Variants in LYG2 observed in about 807,000 individuals in gnomAD.
LYG2 encodes the protein lysozyme g2.
In LYG2, 25 loss-of-function variants were observed where a neutral mutation model predicts 22.4. The ratio of observed to expected loss-of-function variants is 1.12; its 90% CI spans 0.81 to 1.56. The LOEUF (loss-of-function observed/expected upper bound fraction) is 1.56, where lower values mean the gene tolerates loss of function less well. Among genes scored for constraint, LYG2 ranks in the 40% most tolerant of loss-of-function variants. LYG2 has a pLI of 0.00. For missense variants in LYG2, 266 were observed against 269.5 expected, an observed-to-expected ratio of 0.99 and a Z score of 0.09; for synonymous variants, 88 against 97.0, an observed-to-expected ratio of 0.91 and a Z score of 0.55.
intron 3 of LYG2, among the ~76,000 whole-genome samples, chr2:99,247,614 C>T (rs551892019): frequency 2.7e-4 from 41 of 152,242 alleles, no homozygotes; most frequent in Non-Finnish European, 4.6e-4. Flanking sequence ...CTTCCTTTTA[C>T]AGTCCCCAGT....
At chr2:99,254,411 G>GTAC (rs2094032348) in intron 2 of LYG2, 126 bp from the exon 3 acceptor site, 2 of 461,182 alleles carry the variant, frequency 4.3e-6, no homozygotes, top group Admixed American at 4.7e-5. Context: ...CCTGTTTCAA[G>GTAC]ATAGTATTCT....
intron 6 of LYG2, chr2:99,243,390 C>G (rs1384069654): frequency 6.5e-7 from 1 of 1,544,832 alleles, no homozygotes; most frequent in African/African-American, 1.4e-5. Context: ...TATATAGCAC[C>G]TGAAGTCCCG....
In LYG2 at chr2:99,246,784, A is replaced by G. The variant is rs749493572; in HGVS notation, c.80T>C (p.Met27Thr). ...CAGGCGTGGATGTAGGTGAGGCTTC[A>G]TTGAGTGACTGAAGGGGTATGAGCC... ...SRGSYPFSHS[M>T]KPHLHPRLYH... The change falls in exon 4 of 7, where the codon ATG (methionine) becomes ACG (threonine). Residue 27 changes from methionine (M) to threonine (T), a missense_variant. Coordinates refer to ENST00000333017, the MANE Select transcript of LYG2 (RefSeq NM_175735.4). 2 of 1,613,984 alleles carry G rather than the reference A, an allele frequency of 1.2e-6. No homozygotes were observed. The highest frequency in any genetic ancestry group is 1.7e-5 in the Admixed American group (1 of 59,996).
chr2:99,243,537 GATAA>G (rs1418456281), intron 6 of LYG2: 9 of 1,380,542 alleles, frequency 6.5e-6, no homozygotes, highest in East Asian at 2.6e-5. Flanking sequence ...TAGATAGATA[GATAA>G]ATTTTTTTTT....
At chr2:99,256,033 G>A (rs182898512), upstream of LYG2, among the ~76,000 whole-genome samples, 19 of 152,278 alleles carry the variant, frequency 1.2e-4, no homozygotes, top group Admixed American at 1.1e-3. Flanking sequence ...TTCCACAAGC[G>A]TGTCCAGTTT....
At chr2:99,256,656 T>C (rs2094036901), upstream of LYG2, among the ~76,000 whole-genome samples, 2 of 152,216 alleles carry the variant, frequency 1.3e-5, no homozygotes, top group Admixed American at 1.3e-4. Context: ...GAAGAAGACA[T>C]TGTTAATAAA....
chr2:99,258,933 C>T (rs2094041677), upstream of LYG2, among the ~76,000 whole-genome samples: 1 of 152,002 alleles, frequency 6.6e-6, no homozygotes, highest in African/African-American at 2.4e-5. Flanking sequence ...TACAAATGGC[C>T]AATAAAGCTC....
chr2:99,250,088 C>T (rs1431417685), intron 3 of LYG2, among the ~76,000 whole-genome samples: 1 of 152,098 alleles, frequency 6.6e-6, no homozygotes, highest in Admixed American at 6.6e-5. Context: ...TGTTCACTCT[C>T]CTCCAGCCAC....
rs372589731 is a variant in LYG2, at chr2:99,244,025, G to T, written c.494C>A (p.Thr165Lys). 6.2e-7 allele frequency: 1 copy of T among 1,614,050 alleles called. No homozygotes were observed. The highest frequency in any genetic ancestry group is 1.7e-5 in the Admixed American group (1 of 60,010). Residue 165 changes from threonine to lysine, a missense_variant, in exon 6 of 7, where the codon ACG becomes AAG. Physicochemically the swap from Thr to Lys is moderately conservative, Grantham distance 78 (BLOSUM62 -1). Coordinates refer to ENST00000333017, the MANE Select transcript of LYG2 (RefSeq NM_175735.4). ...TTTGAGGTGCTGAGCAACACTCCAC[G>T]TGGGGAATTTTTTCTGGATTGCCTT... ...RIKAIQKKFP[T>K]WSVAQHLKGG... is the part of the protein sequence containing the mutation.
chr2:99,244,898 G>A (rs1341247298), intron 5 of LYG2, among the ~76,000 whole-genome samples: 1 of 152,030 alleles, frequency 6.6e-6, no homozygotes, highest in Non-Finnish European at 1.5e-5. Context: ...ATCACCTGAG[G>A]TCAGGAGTTC....
chr2:99,251,086 ATTGT>A lies in LYG2; in HGVS notation c.43+3128_43+3131del, dbSNP rs528848439. On this transcript the variant is annotated intron_variant, in intron 3 of 6. Transcript: ENST00000333017. ...AAGGATGAATGAAAAACTGATAAAA[ATTGT>A]TAGTTATGGAGAGAGTAAGAGGAAG... Among the ~76,000 whole-genome samples the A allele has an allele frequency of 1.2e-3, 184 of 152,356 alleles. 1 individual carries two copies. Among genetic ancestry groups the A allele is most frequent in the African/African-American group, 4.2e-3 (174 of 41,586 alleles).
At position 99,243,578 on chromosome 2, in the gene LYG2, C is replaced by G. The variant is rs2094010392; in HGVS notation, c.520+421G>C. ...AGAGATGGGGTCTCACTCTGTCTCC[C>G]AGGCTGGAGTGCAGTGATGTAATCA... On this transcript the variant is annotated intron_variant, in intron 6 of 6. Transcript: ENST00000333017. The G allele has an allele frequency of 2.3e-6, 3 of 1,285,500 alleles. No homozygotes were observed. In the South Asian group the frequency reaches 4.3e-5, roughly 18 times the overall value. The allele number at this position is 1,285,500 out of a possible 1,614,324, so 79.6% of individuals were successfully genotyped here.
At chr2:99,255,877 A>G (rs1021659208), upstream of LYG2, among the ~76,000 whole-genome samples, 1 of 152,206 alleles carries the variant, frequency 6.6e-6, no homozygotes, top group African/African-American at 2.4e-5. Flanking sequence ...AAACTTCTTC[A>G]AGAAGAGAGT....
At position 99,250,468 on chromosome 2, in the gene LYG2, G is replaced by A. The variant is rs531619808; in HGVS notation, c.44-3648C>T. On this transcript the variant is annotated intron_variant, in intron 3 of 6. Coordinates refer to ENST00000333017, the MANE Select transcript of LYG2 (RefSeq NM_175735.4). ...TGGCTCACTGCAAGCTCCGCCTCCT[G>A]GGTTCATGCCATTCTCCTGCCTCAG... Among the ~76,000 whole-genome samples, 8 of 148,058 alleles carry A rather than the reference G, an allele frequency of 5.4e-5. No individual in the cohort carries two copies. The East Asian group carries it at 1.2e-3, about 23-fold the overall frequency.
upstream of LYG2, among the ~76,000 whole-genome samples, chr2:99,258,604 C>T (rs1214689707): frequency 2.0e-5 from 3 of 152,132 alleles, no homozygotes; most frequent in African/African-American, 7.2e-5. Context: ...CAGCTGCAGC[C>T]CAAGCATCTG....
At chr2:99,243,693 CTTT>C (rs999579137) in intron 6 of LYG2, 2,222 of 155,332 alleles carry the variant, frequency 0.014, no homozygotes, top group Middle Eastern at 0.022. Context: ...CCATGCCCAG[CTTT>C]TTTTTTTTTT....
chr2:99,248,077 C>A (rs2094019440), intron 3 of LYG2, among the ~76,000 whole-genome samples: 1 of 150,832 alleles, frequency 6.6e-6, no homozygotes, highest in Admixed American at 6.6e-5. Flanking sequence ...AAAAGTCAGG[C>A]AACAACAGGT....
intron 3 of LYG2, among the ~76,000 whole-genome samples, chr2:99,247,984 C>G (rs1180229640): frequency 1.3e-5 from 2 of 152,194 alleles, no homozygotes; most frequent in Non-Finnish European, 2.9e-5. Context: ...TGAAAAAATG[C>G]TCACCATCAC....
At chr2:99,242,863 A>G (rs1490323596) in intron 6 of LYG2, among the ~76,000 whole-genome samples, 1 of 152,226 alleles carries the variant, frequency 6.6e-6, no homozygotes, top group Non-Finnish European at 1.5e-5. Context: ...AATGTTTTCA[A>G]GCACCTACTA....
Sources: gnomAD v4.1 joint callset for allele counts (sites outside exome capture counted in the v4.1 genomes callset) on GRCh38, gnomAD v4.1.1 for gene constraint, MANE v1.5 for transcripts, NCBI Gene and HGNC (gene_info 2026-07-23, HGNC 2026-07-21) for gene names.